The following BAHCC1 variants were observed in gnomAD, a reference collection of about 807,000 sequenced individuals.
The protein encoded by BAHCC1 is BAH and coiled-coil domain-containing protein 1.
Under a neutral mutation model 88.2 loss-of-function variants are expected in BAHCC1, and 43 were observed. That is an observed-to-expected ratio of 0.49 (90% CI 0.38 to 0.63). The LOEUF is 0.63. BAHCC1 is among the 20% of genes least tolerant of loss of function. The probability of loss-of-function intolerance (pLI) is 0.00; values close to 1 mark genes in which losing one functional copy is unlikely to be tolerated. For missense variants in BAHCC1, 3,023 were observed against 1,654.8 expected (o/e 1.83, Z -14.34); for synonymous variants, 1,510 against 745.5 (o/e 2.03, Z -16.71).
rs1250129515 is a variant in BAHCC1, at chr17:81,455,325, G to A, written c.4504G>A (p.Glu1502Lys). The A allele has an allele frequency of 8.4e-6, 6 of 717,430 alleles. No individual in the cohort carries two copies. Among genetic ancestry groups the A allele is most frequent in the South Asian group, 5.9e-5 (4 of 67,626 alleles). The allele number at this position is 717,430 out of a possible 1,614,324, so 44.4% of individuals were successfully genotyped here. ...GGAGCTGCGAGGAGGCAGTGGGGGCGAGCCTGCGAAGAAGCGAAGCAAGCT... is the reference window on the plus strand; with the variant it reads ...GGAGCTGCGAGGAGGCAGTGGGGGCAAGCCTGCGAAGAAGCGAAGCAAGCT... ...CAELRGGSGG[E>K]PAKKRSKLER... is the part of the protein sequence containing the mutation. Residue 1502 changes from glutamate (E) to lysine (K), a missense_variant, in exon 15 of 28, where the codon GAG becomes AAG. Physicochemically the swap from Glu to Lys is moderately conservative, Grantham distance 56 (BLOSUM62 1). Transcript: ENST00000675386.
At chr17:81,429,095 C>T (rs1394915373) in intron 3 of BAHCC1, among the ~76,000 whole-genome samples, 2 of 152,194 alleles carry the variant, frequency 1.3e-5, no homozygotes, top group Non-Finnish European at 2.9e-5. Flanking sequence ...CCTGGCTGGG[C>T]GAGACGCATC....
At chr17:81,409,125 G>GT (rs2143245921) in intron 2 of BAHCC1, among the ~76,000 whole-genome samples, 1 of 152,334 alleles carries the variant, frequency 6.6e-6, no homozygotes, top group East Asian at 1.9e-4. Flanking sequence ...AAATCAAGGT[G>GT]TTCCCCCCAC....
rs1466436149 is a variant in BAHCC1, at chr17:81,399,354, C to T, written c.-206-180C>T. 4 of 148,666 alleles carry T rather than the reference C, an allele frequency of 2.7e-5. No homozygotes were observed. Among genetic ancestry groups the T allele is most frequent in the Non-Finnish European group, 5.9e-5 (4 of 67,506 alleles). The allele number at this position is 148,666 out of a possible 1,614,324, so 9.2% of individuals were successfully genotyped here. On this transcript the variant is annotated intron_variant, in intron 1 of 27. Transcript: ENST00000675386. This position sits in a 1 kb window ranked among gnomAD's most constrained non-coding sequence, Gnocchi z 4.5. ...CGCGCGCGGGGCCCCGGGTGCTGGG[C>T]TGCGCGCGCGTGCGGCGGGGAGACA... is the stretch of plus-strand genomic sequence containing the variant.
rs781924360 is a variant in BAHCC1, at chr17:81,461,035, G to C, written c.6372G>C (p.Gln2124His). Reference protein sequence around the residue: ...KGPGVLQNLFQLNGSSKKLRA... With the variant: ...KGPGVLQNLFHLNGSSKKLRA... ...CGGGGGTGCTGCAGAACCTCTTCCA[G>C]CTCAACGGCAGCAGCAAGAAGCTGC... The change falls in exon 26 of 28, where the codon CAG (glutamine) becomes CAC (histidine). Residue 2124 changes from glutamine (Q) to histidine (H), a missense_variant. Coordinates refer to ENST00000675386, the MANE Select transcript of BAHCC1 (RefSeq NM_001377448.1). 1.3e-6 allele frequency: 1 copy of C among 772,874 alleles called. No homozygotes were observed. The highest frequency in any genetic ancestry group is 1.3e-5 in the South Asian group (1 of 74,400). The allele number at this position is 772,874 out of a possible 1,614,324, so 47.9% of individuals were successfully genotyped here. A position where few individuals can be genotyped will look rare whatever the true frequency, so the allele number is the denominator to read the frequency against.
intron 2 of BAHCC1, among the ~76,000 whole-genome samples, chr17:81,406,448 T>C (rs998307648): frequency 6.6e-6 from 1 of 151,920 alleles, no homozygotes; most frequent in African/African-American, 2.4e-5. Flanking sequence ...TCATTTCCCC[T>C]CACCGAAGAC....
chr17:81,443,550 C>A lies in BAHCC1; in HGVS notation c.2201C>A (p.Ala734Asp). ...GTNTARQGRA[A>D]PAFKGGGGPR... ...AACACTGCGCGGCAGGGCCGGGCCG[C>A]CCCCGCCTTCAAAGGTACAGGCCCT... The change falls in exon 5 of 28, where the codon GCC (alanine) becomes GAC (aspartate). Residue 734 changes from alanine to aspartate, a missense_variant. Coordinates refer to ENST00000675386, the MANE Select transcript of BAHCC1 (RefSeq NM_001377448.1). 1.6e-6 allele frequency: 1 copy of A among 643,640 alleles called. No homozygotes were observed. Among genetic ancestry groups the A allele is most frequent in the Non-Finnish European group, 2.8e-6 (1 of 353,158 alleles). 39.9% of individuals were successfully genotyped at this position (643,640 alleles called of 1,614,324 possible).
chr17:81,397,818 T>C (rs1415718196), intron 1 of BAHCC1, among the ~76,000 whole-genome samples: 1 of 152,352 alleles, frequency 6.6e-6, no homozygotes, highest in African/African-American at 2.4e-5. Context: ...CGCCTTTGTA[T>C]GTAGTTGCCA....
intron 2 of BAHCC1, among the ~76,000 whole-genome samples, chr17:81,412,621 G>C (rs2063968326): frequency 6.6e-6 from 1 of 152,134 alleles, no homozygotes; most frequent in Non-Finnish European, 1.5e-5. Context: ...GGTCTGTCTG[G>C]AGTCACCGAC....
In BAHCC1 at chr17:81,444,469, G is replaced by A. The variant is rs529013276; in HGVS notation, c.2413G>A (p.Gly805Ser). Residue 805 changes from glycine (G) to serine (S), a missense_variant, in exon 7 of 28, where the codon GGC becomes AGC. By Grantham distance (56) the Gly-to-Ser change is moderately conservative (BLOSUM62 0). Coordinates refer to ENST00000675386, the MANE Select transcript of BAHCC1 (RefSeq NM_001377448.1). ...GGCCCCCCACCTCATGATGCAGAGC[G>A]GCCAGCTGGGCGGGGACCCAGCCCC... is the stretch of plus-strand genomic sequence containing the variant. ...DLAPHLMMQS[G>S]QLGGDPAPHT... The A allele has an allele frequency of 4.0e-5, 29 of 721,494 alleles. No individual in the cohort carries two copies. Among genetic ancestry groups the A allele is most frequent in the Middle Eastern group, 5.5e-4 (2 of 3,642 alleles). 44.7% of individuals were successfully genotyped at this position (721,494 alleles called of 1,614,324 possible).
At position 81,411,621 on chromosome 17, in the gene BAHCC1, C is replaced by T; in HGVS notation, c.178+11704C>T. 2.3e-6 allele frequency: 1 copy of T among 430,284 alleles called. No homozygotes were observed. Among genetic ancestry groups the T allele is most frequent in the East Asian group, 7.4e-5 (1 of 13,526 alleles). 26.7% of individuals were successfully genotyped at this position (430,284 alleles called of 1,614,324 possible). ...CCCACGAAGACGGGTGAGCTGCTGG[C>T]CACCCGAAGAGGGTGTGGGGTGGTC... On this transcript the variant is annotated intron_variant, in intron 2 of 27. Coordinates refer to ENST00000675386, the MANE Select transcript of BAHCC1 (RefSeq NM_001377448.1). The surrounding 1 kb of genome is among the most constrained non-coding windows in gnomAD (Gnocchi z 6.2).
At chr17:81,444,310 C>T in intron 6 of BAHCC1, 71 bp from the exon 7 acceptor site, 1 of 679,890 alleles carries the variant, frequency 1.5e-6, no homozygotes, top group Non-Finnish European at 2.7e-6. Flanking sequence ...ACAGAGACAA[C>T]AAAGGGCCGG....
At chr17:81,398,410 A>G (rs2063767911) in intron 1 of BAHCC1, among the ~76,000 whole-genome samples, 1 of 152,232 alleles carries the variant, frequency 6.6e-6, no homozygotes, top group Non-Finnish European at 1.5e-5. Flanking sequence ...GTCTGCTGGC[A>G]GAAGGTTGTG....
At chr17:81,433,885 C>T (rs1316783132) in intron 3 of BAHCC1, among the ~76,000 whole-genome samples, 1 of 152,246 alleles carries the variant, frequency 6.6e-6, no homozygotes, top group Non-Finnish European at 1.5e-5. Flanking sequence ...GTGCACTGCA[C>T]CTGAAACCCA....
intron 2 of BAHCC1, among the ~76,000 whole-genome samples, chr17:81,406,659 C>T (rs889844444): frequency 1.3e-5 from 2 of 152,216 alleles, no homozygotes; most frequent in Non-Finnish European, 2.9e-5. Flanking sequence ...GTGGGCTGCC[C>T]CTGTTTGTTG....
Position 81,457,405 on chromosome 17 carries a change from C to T in BAHCC1, c.4859-5C>T, listed in dbSNP as rs781857487. On this transcript the variant is annotated splice_polypyrimidine_tract_variant and splice_region_variant and intron_variant, in intron 16 of 27. Coordinates refer to ENST00000675386, the MANE Select transcript of BAHCC1 (RefSeq NM_001377448.1). The stretch of plus-strand genomic sequence containing the variant: ...GTCATCAGGACCCCTCTGCCTCTCT[C>T]CCAGGCAGTGGCTATGACAGTGAGG... The T allele has an allele frequency of 2.6e-6, 2 of 765,958 alleles. No homozygotes were observed. Among genetic ancestry groups the T allele is most frequent in the Non-Finnish European group, 4.9e-6 (2 of 411,848 alleles). 47.4% of individuals were successfully genotyped at this position (765,958 alleles called of 1,614,324 possible).
intron 3 of BAHCC1, among the ~76,000 whole-genome samples, chr17:81,429,149 A>C (rs2064232778): frequency 6.6e-6 from 1 of 152,130 alleles, no homozygotes. Context: ...TGTGCGGGAC[A>C]GTGGGCTGGG....
chr17:81,418,810 C>CGTGTGT (rs70938163), intron 2 of BAHCC1, among the ~76,000 whole-genome samples: 58,690 of 146,274 alleles, frequency 0.4, 12,492 homozygotes, highest in East Asian at 0.83. Flanking sequence ...TGTGTGTGTA[C>CGTGTGT]GTGTGTGTGT....
chr17:81,460,350 C>T lies in BAHCC1; in HGVS notation c.5979C>T (p.Ile1993=), dbSNP rs781802234. ...VEFDDGDTGH[I]AVSNVRLLPP... Reference sequence around the variant, plus strand: ...TTGACGATGGGGATACAGGCCACATCGCCGTCTCCAACGTCAGGCTGCTGC... The same window carrying T: ...TTGACGATGGGGATACAGGCCACATTGCCGTCTCCAACGTCAGGCTGCTGC... The change falls in exon 24 of 28, where the codon ATC becomes ATT. Residue 1993 remains isoleucine, a synonymous_variant. Coordinates refer to ENST00000675386, the MANE Select transcript of BAHCC1 (RefSeq NM_001377448.1). The T allele has an allele frequency of 7.7e-6, 6 of 775,416 alleles. No homozygotes were observed. The highest frequency in any genetic ancestry group is 3.4e-5 in the African/African-American group (2 of 59,014). 48.0% of individuals were successfully genotyped at this position (775,416 alleles called of 1,614,324 possible).
At chr17:81,416,412 G>T (rs1555648714) in intron 2 of BAHCC1, among the ~76,000 whole-genome samples, 1 of 133,632 alleles carries the variant, frequency 7.5e-6, no homozygotes, top group African/African-American at 2.8e-5. Flanking sequence ...GTACGTGTAT[G>T]TGTGTCCATG....
Sources: allele counts gnomAD v4.1 joint callset (sites outside exome capture counted in the v4.1 genomes callset), GRCh38; gene constraint gnomAD v4.1.1; non-coding constraint Gnocchi (gnomAD v3.1); transcripts MANE v1.5; gene names NCBI Gene and HGNC (gene_info 2026-07-23, HGNC 2026-07-21).